Variants in CLNK observed in about 807,000 individuals in gnomAD.
CLNK encodes the protein cytokine dependent hematopoietic cell linker.
A neutral mutation model predicts 68.6 loss-of-function variants in CLNK; 74 were observed. The ratio of observed to expected loss-of-function variants is 1.08; its 90% CI spans 0.89 to 1.31. The LOEUF (loss-of-function observed/expected upper bound fraction) is 1.31. CLNK is among the 50% of genes most tolerant of loss of function. The pLI is 0.00. For missense variants in CLNK, 553 were observed against 515.3 expected (o/e 1.07, Z -0.71); for synonymous variants, 198 against 172.2 (o/e 1.15, Z -1.17).
chr4:10,733,231 C>T, the CLNK span, among the ~76,000 whole-genome samples: 2 of 152,100 alleles, frequency 1.3e-5, no homozygotes, highest in East Asian at 1.9e-4. Context: ...CACTACAGCC[C>T]CCACGTCTGC....
At position 10,501,195 on chromosome 4, in the gene CLNK, A is replaced by G; in HGVS notation, c.1140+61T>C. On this transcript the variant is annotated intron_variant, in intron 18 of 18. Transcript: ENST00000226951. ...CTCTTCCTCCAGGGTGACATCCCCC[A>G]AACTCTTCCTTTATTTGTTGCGCTT... The G allele has an allele frequency of 4.0e-6, 6 of 1,491,834 alleles. No homozygotes were observed. In the South Asian group the frequency reaches 8.7e-5, roughly 22 times the overall value. 92.4% of individuals were successfully genotyped at this position (1,491,834 alleles called of 1,614,324 possible).
At chr4:10,600,949 G>A (rs1020701265) in intron 2 of CLNK, among the ~76,000 whole-genome samples, 1 of 152,082 alleles carries the variant, frequency 6.6e-6, no homozygotes, top group Non-Finnish European at 1.5e-5. Flanking sequence ...CTTCTTCCTG[G>A]GTGCCTCGAG....
intron 2 of CLNK, among the ~76,000 whole-genome samples, chr4:10,615,192 G>A (rs1038294136): frequency 6.7e-6 from 1 of 149,676 alleles, no homozygotes; most frequent in Non-Finnish European, 1.5e-5. Context: ...TAAAAAACAA[G>A]AAAGAGGCTG....
intron 8 of CLNK, among the ~76,000 whole-genome samples, chr4:10,543,778 G>T (rs1168973543): frequency 6.6e-6 from 1 of 152,022 alleles, no homozygotes; most frequent in South Asian, 2.1e-4. Context: ...TTTCATTTTT[G>T]AAAAACACTT....
At chr4:10,527,599 T>A (rs1415755865) in intron 13 of CLNK, among the ~76,000 whole-genome samples, 1 of 152,226 alleles carries the variant, frequency 6.6e-6, no homozygotes, top group Non-Finnish European at 1.5e-5. Context: ...CTGCTTAGCA[T>A]CCTGCCATTT....
At chr4:10,544,880 T>C (rs1454409931) in intron 8 of CLNK, among the ~76,000 whole-genome samples, 2 of 152,162 alleles carry the variant, frequency 1.3e-5, no homozygotes, top group Non-Finnish European at 2.9e-5. Flanking sequence ...ACTGTGCTAA[T>C]GTGCTAGCTC....
chr4:10,624,593 G>GTT (rs10559473), intron 2 of CLNK, among the ~76,000 whole-genome samples: 1,718 of 122,812 alleles, frequency 0.014, 10 homozygotes, highest in South Asian at 0.031. Context: ...CGCCCGGCCA[G>GTT]TTTTTTTTTT....
intron 2 of CLNK, among the ~76,000 whole-genome samples, chr4:10,607,938 T>A (rs1301136917): frequency 1.3e-5 from 2 of 152,198 alleles, no homozygotes; most frequent in African/African-American, 4.8e-5. Flanking sequence ...TGGTGGATAA[T>A]CATGAAAAAT....
At chr4:10,622,808 G>C (rs1455255052) in intron 2 of CLNK, among the ~76,000 whole-genome samples, 1 of 152,152 alleles carries the variant, frequency 6.6e-6, no homozygotes, top group Non-Finnish European at 1.5e-5. Flanking sequence ...AGTTCTGGTG[G>C]CTGGAAGTCC....
At chr4:10,660,231 T>A (rs1321700228) in intron 2 of CLNK, among the ~76,000 whole-genome samples, 1 of 152,224 alleles carries the variant, frequency 6.6e-6, no homozygotes, top group Non-Finnish European at 1.5e-5. Context: ...GTTAATTGAA[T>A]TTGTCAAATT....
At chr4:10,601,023 T>A (rs917789012) in intron 2 of CLNK, among the ~76,000 whole-genome samples, 2 of 152,234 alleles carry the variant, frequency 1.3e-5, no homozygotes, top group African/African-American at 4.8e-5. Flanking sequence ...TTTTTAACTT[T>A]AAGAAGAGAG....
chr4:10,579,067 C>A (rs572099973), intron 4 of CLNK, among the ~76,000 whole-genome samples: 118 of 152,292 alleles, frequency 7.7e-4, no homozygotes, highest in African/African-American at 2.6e-3. Context: ...GGATTGACAG[C>A]CCCATGCACT....
intron 2 of CLNK, among the ~76,000 whole-genome samples, chr4:10,637,934 CTTA>C (rs35140693): frequency 0.024 from 3,626 of 152,166 alleles, 152 homozygotes; most frequent in African/African-American, 0.075. Flanking sequence ...TGCCTACTCT[CTTA>C]AAGAGTCCCT....
intron 11 of CLNK, among the ~76,000 whole-genome samples, chr4:10,534,853 AATG>A (rs1256462120): frequency 1.3e-5 from 2 of 152,232 alleles, no homozygotes; most frequent in Non-Finnish European, 2.9e-5. Context: ...AAACAATAAT[AATG>A]ATGTTTATAC....
intron 3 of CLNK, among the ~76,000 whole-genome samples, chr4:10,589,794 T>C (rs772122657): frequency 1.1e-4 from 17 of 152,196 alleles, no homozygotes; most frequent in Non-Finnish European, 2.4e-4. Flanking sequence ...CCCAGGGTGA[T>C]TAATGAAAGG....
the CLNK span, among the ~76,000 whole-genome samples, chr4:10,703,235 A>G: frequency 2.0e-5 from 3 of 152,182 alleles, no homozygotes; most frequent in African/African-American, 7.2e-5. Flanking sequence ...ACACTAACGT[A>G]GTTATGAACA....
intron 4 of CLNK, among the ~76,000 whole-genome samples, chr4:10,583,325 C>T (rs969747122): frequency 1.3e-5 from 2 of 151,930 alleles, no homozygotes; most frequent in East Asian, 3.9e-4. Flanking sequence ...TCGTCCACAG[C>T]GCCCAGGCTG....
At chr4:10,595,392 C>G (rs1721347970) in intron 3 of CLNK, among the ~76,000 whole-genome samples, 1 of 152,080 alleles carries the variant, frequency 6.6e-6, no homozygotes, top group African/African-American at 2.4e-5. Flanking sequence ...CATGAGGAAA[C>G]AGTACAAAAT....
At chr4:10,560,797 A>C (rs1371350456) in intron 7 of CLNK, among the ~76,000 whole-genome samples, 2 of 152,214 alleles carry the variant, frequency 1.3e-5, no homozygotes, top group Non-Finnish European at 2.9e-5. Flanking sequence ...AGAACTAGTA[A>C]GAATCAACTC....
Sources: allele counts gnomAD v4.1 joint callset (sites outside exome capture counted in the v4.1 genomes callset), GRCh38; gene constraint gnomAD v4.1.1; transcripts MANE v1.5; gene names NCBI Gene and HGNC (gene_info 2026-07-23, HGNC 2026-07-21).